The following NBPF14 variants were observed in gnomAD, a reference collection of about 807,000 sequenced individuals.
NBPF14 encodes the protein NBPF family member NBPF14.
In NBPF14, 104 loss-of-function variants were observed where a neutral mutation model predicts 91.2. The observed-to-expected ratio is 1.14, with a 90% CI of 0.97 to 1.34. The LOEUF is 1.34. Among genes scored for constraint, NBPF14 ranks in the 40% most tolerant of loss-of-function variants. The pLI is 0.00. For missense variants in NBPF14, 908 were observed against 783.0 expected (o/e 1.16, Z -1.91); for synonymous variants, 294 against 303.8 (o/e 0.97, Z 0.34).
Position 148,591,079 on chromosome 1 carries a change from G to A in NBPF14, c.567-111C>T. The A allele has an allele frequency of 3.8e-6, 5 of 1,303,286 alleles. 1 individual carries two copies. In the South Asian group the frequency reaches 4.9e-5, roughly 13 times the overall value. 80.7% of individuals were successfully genotyped at this position (1,303,286 alleles called of 1,614,324 possible). The stretch of plus-strand genomic sequence containing the variant: ...GGCATTAAGAGAGTGGTTCCAGAAA[G>A]CAAAACGGAGGTTCCCTTAAAGAGG... On this transcript the variant is annotated intron_variant, in intron 5 of 70. Coordinates refer to ENST00000619423, the Ensembl canonical transcript of NBPF14.
chr1:148,534,805 T>A lies in NBPF14; in HGVS notation c.8493A>T (p.Ser2831=), dbSNP rs1360724493. Residue 2831 remains serine, a synonymous_variant, in exon 69 of 71, where the codon TCA becomes TCT. Coordinates refer to ENST00000619423, the Ensembl canonical transcript of NBPF14. ...AAGGAGTCGAATAACATCTATCCAG[T>A]GAGTCCTGCAAGACTTCAGGATCTT... 5 of 1,010,368 alleles carry A rather than the reference T, an allele frequency of 4.9e-6. No homozygotes were observed. In the Admixed American group the frequency reaches 5.2e-5, roughly 10 times the overall value. The allele number at this position is 1,010,368 out of a possible 1,614,324, so 62.6% of individuals were successfully genotyped here.
chr1:148,559,428 T>C (rs1481949898), intron 37 of NBPF14, among the ~76,000 whole-genome samples: 3 of 133,794 alleles, frequency 2.2e-5, no homozygotes, highest in Admixed American at 1.5e-4. Flanking sequence ...AATACTCAGA[T>C]TGTTCATGGT....
chr1:148,533,778 C>T (rs797039629), intron 70 of NBPF14, 83 bp downstream of exon 70: 17 of 763,494 alleles, frequency 2.2e-5, no homozygotes, highest in Middle Eastern at 7.1e-4. Flanking sequence ...GAAAATATGA[C>T]ATCAAACACA....
chr1:148,575,830 G>C lies in NBPF14; in HGVS notation c.2079-19C>G, dbSNP rs1659588727. The C allele has an allele frequency of 2.5e-5, 8 of 321,678 alleles. No individual in the cohort carries two copies. Among genetic ancestry groups the C allele is most frequent in the Non-Finnish European group, 4.3e-5 (8 of 187,518 alleles). 19.9% of individuals were successfully genotyped at this position (321,678 alleles called of 1,614,324 possible). On this transcript the variant is annotated intron_variant, in intron 16 of 70. Transcript: ENST00000619423. ...GCTGAGCCTGGAAAAGTAGGAAAAA[G>C]TAAAGAATAAGCCAGGGGGAATCAG...
intron 15 of NBPF14, among the ~76,000 whole-genome samples, chr1:148,576,830 G>C (rs1401728495): frequency 7.4e-5 from 11 of 149,482 alleles, no homozygotes; most frequent in African/African-American, 2.7e-4. Flanking sequence ...GTTCATGGTA[G>C]CGAGGATTTC....
At chr1:148,577,895 C>T in intron 14 of NBPF14, 88 bp downstream of exon 14, 4 of 620,336 alleles carry the variant, frequency 6.4e-6, no homozygotes, top group South Asian at 1.9e-5. Context: ...AAGACAAAAT[C>T]ATTATTTTCA....
At chr1:148,589,733 G>GT (rs1489655992) in intron 6 of NBPF14, among the ~76,000 whole-genome samples, 2 of 139,782 alleles carry the variant, frequency 1.4e-5, no homozygotes, top group African/African-American at 5.1e-5. Context: ...TTCTTTTTTG[G>GT]TTTTTTGTTT....
Position 148,594,960 on chromosome 1 carries a change from T to G in NBPF14, c.175+583A>C, listed in dbSNP as rs1253173261. 2.4e-5 allele frequency among the ~76,000 whole-genome samples: 3 copies of G among 122,922 alleles called. 1 individual carries two copies. Among genetic ancestry groups the G allele is most frequent in the Admixed American group, 7.7e-5 (1 of 12,912 alleles). The allele number at this position is 122,922 out of a possible 152,430, so 80.6% of individuals were successfully genotyped here. A position where few individuals can be genotyped will look rare whatever the true frequency, so the allele number is the denominator to read the frequency against. On this transcript the variant is annotated intron_variant, in intron 2 of 70. Transcript: ENST00000619423. ...CTCTGCCCGCCTCAGCCTCCCAAAG[T>G]GCTGAGATTATAGGAGTGAGCCACG...
Position 148,553,423 on chromosome 1 carries a change from A to T in NBPF14, c.5686+117T>A. ...TTCATTACAACCTATATGCGCCCAT[A>T]GGTCCTGCCTGCAGCAATGACGTCT... On this transcript the variant is annotated intron_variant, in intron 45 of 70. Coordinates refer to ENST00000619423, the Ensembl canonical transcript of NBPF14. 2 of 150,574 alleles carry T rather than the reference A, an allele frequency of 1.3e-5. 1 individual carries two copies. The highest frequency in any genetic ancestry group is 1.3e-4 in the South Asian group (2 of 15,682). The allele number at this position is 150,574 out of a possible 1,614,324, so 9.3% of individuals were successfully genotyped here.
rs1662705307 is a variant in NBPF14 at position 148,592,776 on chromosome 1, G to A, written c.279-10C>T. ...CAGGACTTTATATTGCCTAAGGTGA[G>A]ACGGTAGAGAAAATTTAAGAGTAGA... On this transcript the variant is annotated splice_polypyrimidine_tract_variant and intron_variant, in intron 3 of 70. Transcript: ENST00000619423. 4 of 1,558,536 alleles carry A rather than the reference G, an allele frequency of 2.6e-6. No homozygotes were observed. The South Asian group carries it at 3.4e-5, about 13-fold the overall frequency.
chr1:148,533,996 C>T, intron 69 of NBPF14, 27 bp from the exon 70 acceptor site: 3 of 692,534 alleles, frequency 4.3e-6, no homozygotes, highest in Middle Eastern at 3.8e-4. Flanking sequence ...CATGGACAGA[C>T]ACATTAAGCT....
intron 68 of NBPF14, 50 bp from the exon 69 acceptor site, chr1:148,534,906 A>G: frequency 1.4e-6 from 1 of 718,886 alleles, no homozygotes; most frequent in Admixed American, 2.0e-5. Flanking sequence ...ATCAGAAACC[A>G]CACAGCCCCA....
intron 9 of NBPF14, among the ~76,000 whole-genome samples, chr1:148,585,973 C>A (rs1423974084): frequency 1.3e-5 from 2 of 151,324 alleles, no homozygotes; most frequent in Admixed American, 6.6e-5. Flanking sequence ...CAAGCCTGCT[C>A]CCATCGCAGC....
Position 148,572,436 on chromosome 1 carries a change from T to A in NBPF14, c.2758+7A>T. Reference sequence around the variant, plus strand: ...GAGGCTTATCACCTTCACAGTAAGGTACTCACTGTCCACGTCAAGAGCCAA... The same window carrying A: ...GAGGCTTATCACCTTCACAGTAAGGAACTCACTGTCCACGTCAAGAGCCAA... On this transcript the variant is annotated splice_region_variant and intron_variant, in intron 21 of 70. Transcript: ENST00000619423. 2.0e-6 allele frequency: 1 copy of A among 489,078 alleles called. No individual in the cohort carries two copies. Among genetic ancestry groups the A allele is most frequent in the Non-Finnish European group, 3.5e-6 (1 of 288,276 alleles). The allele number at this position is 489,078 out of a possible 1,614,324, so 30.3% of individuals were successfully genotyped here.
intron 12 of NBPF14, among the ~76,000 whole-genome samples, chr1:148,580,587 AAC>A (rs1660756900): frequency 2.2e-5 from 1 of 44,522 alleles, no homozygotes; most frequent in East Asian, 4.6e-4. Flanking sequence ...AAATTCAGGA[AAC>A]ACAGAGAACA....
chr1:148,580,303 G>C (rs1416006424), intron 12 of NBPF14, among the ~76,000 whole-genome samples: 13 of 135,084 alleles, frequency 9.6e-5, no homozygotes, highest in African/African-American at 3.4e-4. Context: ...CGTGATGCAT[G>C]CACAAGCTTC....
intron 68 of NBPF14, among the ~76,000 whole-genome samples, chr1:148,535,093 G>C (rs1206194723): frequency 2.7e-5 from 4 of 146,454 alleles, no homozygotes; most frequent in African/African-American, 1.0e-4. Flanking sequence ...TCAGCGAATT[G>C]GCCGGGTGAC....
chr1:148,533,815 C>G (rs1464305304), intron 70 of NBPF14, 46 bp downstream of exon 70: 4 of 768,538 alleles, frequency 5.2e-6, no homozygotes, highest in Non-Finnish European at 9.5e-6. Flanking sequence ...TCTGTTGCCT[C>G]CAGGAGTTAA....
At chr1:148,542,171 G>A (rs1457023508) in intron 59 of NBPF14, among the ~76,000 whole-genome samples, 3 of 104,122 alleles carry the variant, frequency 2.9e-5, no homozygotes, top group Non-Finnish European at 1.7e-5. Flanking sequence ...GCAATATTTA[G>A]CCCTGTCTCA....
Sources: allele counts gnomAD v4.1 joint callset (sites outside exome capture counted in the v4.1 genomes callset), GRCh38; gene constraint gnomAD v4.1.1; transcripts MANE v1.5; gene names NCBI Gene and HGNC (gene_info 2026-07-23, HGNC 2026-07-21).